Variants in PRKG1 observed in about 807,000 individuals in gnomAD.
PRKG1 encodes the protein protein kinase cGMP-dependent 1.
PRKG1 carries 35 observed loss-of-function variants against 88.1 expected under a neutral mutation model. The observed-to-expected ratio is 0.40, with a 90% CI of 0.30 to 0.53. The LOEUF is 0.53. Ranked by LOEUF, PRKG1 falls within the 20% of genes least tolerant of loss-of-function variation. The probability of loss-of-function intolerance (pLI) is 0.59; values close to 1 mark genes in which losing one functional copy is unlikely to be tolerated. For missense variants in PRKG1, 540 were observed against 839.8 expected (o/e 0.64, Z 4.41); for synonymous variants, 303 against 292.5 (o/e 1.04, Z -0.37).
At chr10:51,053,760 T>C (rs966010594) in intron 1 of PRKG1, among the ~76,000 whole-genome samples, 1 of 143,044 alleles carries the variant, frequency 7.0e-6, no homozygotes, top group Non-Finnish European at 1.5e-5. Flanking sequence ...TAGTGTTCAG[T>C]AGTTATGGGT....
Position 51,604,863 on chromosome 10 carries a change from C to T in PRKG1, c.592+137027C>T, listed in dbSNP as rs139797910. Among the ~76,000 whole-genome samples the T allele has an allele frequency of 1.7e-3, 255 of 152,292 alleles. 1 individual carries two copies. The highest frequency in any genetic ancestry group is 5.9e-3 in the African/African-American group (245 of 41,558). ...CTTTCAGCTATGCCATCTGCAGATG[C>T]CTGTGTTAGTCAGCTCAATAGACCC... On this transcript the variant is annotated intron_variant, in intron 3 of 17. Coordinates refer to ENST00000373980, the MANE Select transcript of PRKG1 (RefSeq NM_006258.4).
intron 1 of PRKG1, among the ~76,000 whole-genome samples, chr10:51,016,378 T>A (rs2132729108): frequency 6.6e-6 from 1 of 152,322 alleles, no homozygotes; most frequent in African/African-American, 2.4e-5. Context: ...TTTGTTATTA[T>A]GATTGAATCA....
Position 51,572,132 on chromosome 10 carries a change from G to T in PRKG1, c.592+104296G>T, listed in dbSNP as rs531971792. On this transcript the variant is annotated intron_variant, in intron 3 of 17. Transcript: ENST00000373980. ...CAAAAAGCAATTTGCTTTATTGATG[G>T]TTCCATTTTTACTTTTGTAAATTTC... is the stretch of plus-strand genomic sequence containing the variant. Among the ~76,000 whole-genome samples the T allele has an allele frequency of 4.6e-5, 7 of 151,866 alleles. No homozygotes were observed. In the South Asian group the frequency reaches 1.5e-3, roughly 32 times the overall value.
chr10:52,173,669 A>G (rs938468684), intron 9 of PRKG1, among the ~76,000 whole-genome samples: 2 of 152,190 alleles, frequency 1.3e-5, no homozygotes, highest in African/African-American at 4.8e-5. Context: ...AGTCAACTTT[A>G]TAAACTCTAT....
In PRKG1 at chr10:52,116,930, A is replaced by C. The variant is rs149671297; in HGVS notation, c.936-16910A>C. On this transcript the variant is annotated intron_variant, in intron 7 of 17. Coordinates refer to ENST00000373980, the MANE Select transcript of PRKG1 (RefSeq NM_006258.4). ...TAGTGGCACATTTGGTATTTTAAGC[A>C]ATATAGAGTAACTCTTCAGCCTGCT... 2.8e-4 allele frequency among the ~76,000 whole-genome samples: 42 copies of C among 152,112 alleles called. No individual in the cohort carries two copies. In the East Asian group the frequency reaches 7.9e-3, roughly 29 times the overall value.
intron 5 of PRKG1, among the ~76,000 whole-genome samples, chr10:52,024,638 G>A (rs1267865335): frequency 6.6e-6 from 1 of 152,096 alleles, no homozygotes; most frequent in East Asian, 1.9e-4. Flanking sequence ...CTTCATCCAT[G>A]TCCCTACAAA....
chr10:51,685,994 A>G (rs913612572), intron 3 of PRKG1, among the ~76,000 whole-genome samples: 6 of 152,118 alleles, frequency 3.9e-5, no homozygotes, highest in African/African-American at 1.4e-4. Context: ...GCATGGGCTG[A>G]GTCACTGACC....
intron 7 of PRKG1, among the ~76,000 whole-genome samples, chr10:52,079,463 G>A (rs1427075144): frequency 6.6e-6 from 1 of 152,154 alleles, no homozygotes; most frequent in East Asian, 1.9e-4. Flanking sequence ...TCCATATGAA[G>A]CCTGCACATC....
chr10:51,257,371 C>G (rs1589285853), intron 2 of PRKG1, among the ~76,000 whole-genome samples: 1 of 152,196 alleles, frequency 6.6e-6, no homozygotes, highest in Non-Finnish European at 1.5e-5. Flanking sequence ...AGATTTACAG[C>G]TCTTAGCAAA....
intron 3 of PRKG1, among the ~76,000 whole-genome samples, chr10:51,792,612 T>A (rs1838897264): frequency 6.6e-6 from 1 of 152,162 alleles, no homozygotes; most frequent in African/African-American, 2.4e-5. Context: ...TTATTCTGCA[T>A]CTTCAAAACA....
At chr10:52,205,671 G>C (rs1251252725) in intron 9 of PRKG1, among the ~76,000 whole-genome samples, 1 of 152,088 alleles carries the variant, frequency 6.6e-6, no homozygotes, top group African/African-American at 2.4e-5. Flanking sequence ...CTTTTATGAA[G>C]GTTTGTTTGG....
At chr10:51,973,012 T>G (rs1843746284) in intron 5 of PRKG1, among the ~76,000 whole-genome samples, 1 of 152,144 alleles carries the variant, frequency 6.6e-6, no homozygotes, top group South Asian at 2.1e-4. Flanking sequence ...AAGTTGCTTC[T>G]TTCTAAGGGT....
chr10:52,204,109 T>A (rs199582579), intron 9 of PRKG1, among the ~76,000 whole-genome samples: 1 of 77,732 alleles, frequency 1.3e-5, no homozygotes, highest in African/African-American at 3.4e-5. Flanking sequence ...TATTATTATT[T>A]TTTGTTTTTG....
chr10:51,386,316 G>A (rs555278001), intron 2 of PRKG1, among the ~76,000 whole-genome samples: 1 of 152,222 alleles, frequency 6.6e-6, no homozygotes, highest in East Asian at 1.9e-4. Context: ...GAAACGTTAA[G>A]GAATTGGCTC....
intron 7 of PRKG1, among the ~76,000 whole-genome samples, chr10:52,119,370 G>T (rs1458731802): frequency 6.6e-6 from 1 of 152,104 alleles, no homozygotes; most frequent in Non-Finnish European, 1.5e-5. Context: ...TACCAAGTTG[G>T]CAATAGAATA....
chr10:51,643,304 C>G (rs970607983), intron 3 of PRKG1, among the ~76,000 whole-genome samples: 1 of 152,108 alleles, frequency 6.6e-6, no homozygotes, highest in Non-Finnish European at 1.5e-5. Flanking sequence ...TAATGAAAAA[C>G]AGTTTTGATG....
intron 5 of PRKG1, among the ~76,000 whole-genome samples, chr10:52,010,027 A>G (rs1230154320): frequency 1.3e-5 from 2 of 152,176 alleles, no homozygotes; most frequent in Non-Finnish European, 2.9e-5. Context: ...TCAACTCAAG[A>G]TTGATTAAAA....
At chr10:51,369,479 A>G (rs1206142921) in intron 2 of PRKG1, among the ~76,000 whole-genome samples, 1 of 152,096 alleles carries the variant, frequency 6.6e-6, no homozygotes, top group Non-Finnish European at 1.5e-5. Flanking sequence ...AGCCTATAGT[A>G]GGGAGTATCT....
intron 5 of PRKG1, among the ~76,000 whole-genome samples, chr10:51,992,589 C>T (rs1277394221): frequency 6.6e-6 from 1 of 152,074 alleles, no homozygotes; most frequent in African/African-American, 2.4e-5. Context: ...GCCACTTCCC[C>T]AGCCATGACT....
Sources: gnomAD v4.1 joint callset for allele counts (sites outside exome capture counted in the v4.1 genomes callset) on GRCh38, gnomAD v4.1.1 for gene constraint, MANE v1.5 for transcripts, NCBI Gene and HGNC (gene_info 2026-07-23, HGNC 2026-07-21) for gene names.